Variants in MRS2 observed in about 807,000 individuals in gnomAD.
The protein encoded by MRS2 is magnesium transporter MRS2 homolog, mitochondrial.
Under a neutral mutation model 52.6 loss-of-function variants are expected in MRS2, and 40 were observed. The observed-to-expected ratio is 0.76, with a 90% confidence interval of 0.59 to 0.99. The LOEUF (loss-of-function observed/expected upper bound fraction) is 0.99. MRS2 is among the 50% of genes least tolerant of loss of function. The pLI, the probability that MRS2 is intolerant of heterozygous loss-of-function variation, is 0.00. For synonymous variants in MRS2, 193 were observed against 195.9 expected, an observed-to-expected ratio of 0.98 and a Z score of 0.13; for missense variants, 472 against 532.7, an observed-to-expected ratio of 0.89 and a Z score of 1.12.
In MRS2 at chr6:24,419,600, A is replaced by T. The variant is rs535269973; in HGVS notation, c.1107+1022A>T. Reference sequence around the variant, plus strand: ...CAGAACATTTAACTTGCCCACAGGCATAGAGCTGGAAAAATAACAGAATTA... The same window carrying T: ...CAGAACATTTAACTTGCCCACAGGCTTAGAGCTGGAAAAATAACAGAATTA... On this transcript the variant is annotated intron_variant, in intron 9 of 10. Coordinates refer to ENST00000378386, the MANE Select transcript of MRS2 (RefSeq NM_020662.4). Among the ~76,000 whole-genome samples the T allele has an allele frequency of 2.6e-5, 4 of 152,362 alleles. No homozygotes were observed. The South Asian group carries it at 8.3e-4, about 32-fold the overall frequency.
At chr6:24,422,391 C>T (rs138471291) in intron 9 of MRS2, among the ~76,000 whole-genome samples, 35 of 152,270 alleles carry the variant, frequency 2.3e-4, no homozygotes, top group African/African-American at 7.7e-4. Flanking sequence ...CTGAAAATGA[C>T]GGTGAGGAAG....
chr6:24,416,534 T>C (rs372015502), intron 7 of MRS2, 21 bp downstream of exon 7: 148 of 1,147,896 alleles, frequency 1.3e-4, no homozygotes, highest in Middle Eastern at 8.4e-4. Flanking sequence ...AATTATACTT[T>C]GTTATTTATT....
chr6:24,409,609 A>G, intron 4 of MRS2, 36 bp downstream of exon 4: 1 of 1,316,566 alleles, frequency 7.6e-7, no homozygotes, highest in Non-Finnish European at 1.1e-6. Context: ...TTTCTCCAAT[A>G]CAATCTTATA....
At chr6:24,414,554 A>G (rs557347813) in intron 5 of MRS2, among the ~76,000 whole-genome samples, 125 of 152,232 alleles carry the variant, frequency 8.2e-4, no homozygotes, top group African/African-American at 3.0e-3. Flanking sequence ...ACTTCTTTCT[A>G]CACAGACACA....
intron 9 of MRS2, 184 bp downstream of exon 9, chr6:24,418,762 G>A (rs1318250398): frequency 3.2e-5 from 14 of 438,860 alleles, no homozygotes; most frequent in Non-Finnish European, 5.1e-5. Context: ...AGACAGGCAC[G>A]GTGGCAGGCA....
Position 24,423,659 on chromosome 6 carries a change from C to G in MRS2, c.1297C>G (p.Leu433Val), listed in dbSNP as rs921252924. ...GAAAAATAGCCTCAGACTGGATGGACTTGGATCAGGAAGGAGCATCCTAAC... is the reference window on the plus strand; with the variant it reads ...GAAAAATAGCCTCAGACTGGATGGAGTTGGATCAGGAAGGAGCATCCTAAC... ...ELKNSLRLDG[L>V]GSGRSILTNR is the part of the protein sequence containing the mutation. Residue 433 changes from leucine (L) to valine (V), a missense_variant, in exon 11 of 11, where the codon CTT (leucine) becomes GTT (valine). Transcript: ENST00000378386. The G allele has an allele frequency of 6.8e-6, 11 of 1,611,884 alleles. No homozygotes were observed. The highest frequency in any genetic ancestry group is 9.3e-6 in the Non-Finnish European group (11 of 1,178,342).
intron 10 of MRS2, 138 bp downstream of exon 10, chr6:24,423,188 A>G (rs950559120): frequency 1.4e-5 from 9 of 651,862 alleles, no homozygotes; most frequent in African/African-American, 9.1e-5. Context: ...CAGTTTCCCT[A>G]TCTGTCAGTT....
intron 2 of MRS2, among the ~76,000 whole-genome samples, chr6:24,406,999 A>G (rs1761498417): frequency 6.6e-6 from 1 of 152,172 alleles, no homozygotes; most frequent in Non-Finnish European, 1.5e-5. Context: ...CCATTAAAGA[A>G]AAAAAGGGTA....
Position 24,423,911 on chromosome 6 carries a change from T to C in MRS2, c.*217T>C, listed in dbSNP as rs77232642. 9.2e-4 allele frequency: 271 copies of C among 294,678 alleles called. 2 individuals carry two copies. In the East Asian group the frequency reaches 0.015, roughly 16 times the overall value. 18.3% of individuals were successfully genotyped at this position (294,678 alleles called of 1,614,324 possible). On this transcript the variant is annotated 3_prime_UTR_variant, in exon 11 of 11. Coordinates refer to ENST00000378386, the MANE Select transcript of MRS2 (RefSeq NM_020662.4). ...TGCTTTGTAAAAGGCCAAAATTCTA[T>C]TTCCTACAAACTTTAAATGCTGTTT...
At chr6:24,422,867 A>G in intron 9 of MRS2, 70 bp from the exon 10 acceptor site, 1 of 1,025,354 alleles carries the variant, frequency 9.8e-7, no homozygotes, top group Non-Finnish European at 1.5e-6. Flanking sequence ...ACTCTGGGGC[A>G]GTAACAATTC....
chr6:24,403,130 C>T lies in MRS2; in HGVS notation c.84C>T (p.Asp28=), dbSNP rs931457715. The T allele has an allele frequency of 5.6e-6, 9 of 1,611,930 alleles. No individual in the cohort carries two copies. The highest frequency in any genetic ancestry group is 7.6e-6 in the Non-Finnish European group (9 of 1,179,880). ...GGACGCTGTGTGCCCTGGCCTTGGA[C>T]GTGACCTCTGTGGGTCCTCCCGTTG... ...PRRTLCALAL[D]VTSVGPPVAA... The change falls in exon 1 of 11, where the codon GAC becomes GAT. Residue 28 remains aspartate, a synonymous_variant. Transcript: ENST00000378386.
At chr6:24,413,453 G>C (rs143551610) in intron 5 of MRS2, among the ~76,000 whole-genome samples, 132 of 152,220 alleles carry the variant, frequency 8.7e-4, no homozygotes, top group Non-Finnish European at 1.5e-3. Flanking sequence ...TTCGAACAAG[G>C]GAAAGCTCCC....
At chr6:24,417,816 C>T (rs149767241) in intron 7 of MRS2, among the ~76,000 whole-genome samples, 1,728 of 152,148 alleles carry the variant, frequency 0.011, 16 homozygotes, top group South Asian at 0.047. Flanking sequence ...GTGGCGGGCA[C>T]CTGTAGTCCC....
At position 24,418,481 on chromosome 6, in the gene MRS2, G is replaced by C; in HGVS notation, c.1010G>C (p.Arg337Thr). The C allele has an allele frequency of 1.2e-6, 2 of 1,614,050 alleles. No homozygotes were observed. The highest frequency in any genetic ancestry group is 2.2e-5 in the South Asian group (2 of 91,074). The change falls in exon 9 of 11, where the codon AGG (arginine) becomes ACG (threonine). Residue 337 changes from arginine (R) to threonine (T), a missense_variant. Arg to Thr is a moderately conservative substitution (Grantham distance 71, BLOSUM62 -1). Coordinates refer to ENST00000378386, the MANE Select transcript of MRS2 (RefSeq NM_020662.4). ...TCCAGCCACCGAAACGTGATGATGA[G>C]GTTGAATCTACAGCTGACCATGGGA... Reference protein sequence around the residue: ...NLDSHRNVMMRLNLQLTMGTF... With the variant: ...NLDSHRNVMMTLNLQLTMGTF...
At chr6:24,418,313 G>A in intron 8 of MRS2, 77 bp downstream of exon 8, 1 of 1,479,678 alleles carries the variant, frequency 6.8e-7, no homozygotes, top group Non-Finnish European at 9.0e-7. Flanking sequence ...TATTTTGTGA[G>A]GAATTACGCC....
In MRS2 at chr6:24,403,217, C is replaced by T; in HGVS notation, c.171C>T (p.Pro57=). The T allele has an allele frequency of 6.3e-7, 1 of 1,598,388 alleles. No homozygotes were observed. The highest frequency in any genetic ancestry group is 8.5e-7 in the Non-Finnish European group (1 of 1,178,444). ...GRSRAAQLCG[P]DRLRVAGEVH... is the part of the protein sequence containing the mutation. ...GCCGAGCGGCGCAGCTTTGCGGGCC[C>T]GACCGGCTCCGCGTGGCAGGTACTG... Residue 57 remains proline (P), a synonymous_variant, in exon 1 of 11, where the codon CCC becomes CCT. Coordinates refer to ENST00000378386, the MANE Select transcript of MRS2 (RefSeq NM_020662.4).
chr6:24,424,697 T>TTTG lies in MRS2; in HGVS notation c.*1006_*1008dup, dbSNP rs1475082824. ...TTAAGTACAGTTAGGCACTAGAACA[T>TTTG]TTGTTAAGCCTCCCAAAGTAGTGTG... On this transcript the variant is annotated 3_prime_UTR_variant, in exon 11 of 11. Coordinates refer to ENST00000378386, the MANE Select transcript of MRS2 (RefSeq NM_020662.4). The TTTG allele has an allele frequency of 6.6e-6, 1 of 152,218 alleles. No individual in the cohort carries two copies. Among genetic ancestry groups the TTTG allele is most frequent in the Non-Finnish European group, 1.5e-5 (1 of 68,052 alleles). 9.4% of individuals were successfully genotyped at this position (152,218 alleles called of 1,614,324 possible). A position where few individuals can be genotyped will look rare whatever the true frequency, so the allele number is the denominator to read the frequency against.
chr6:24,416,487 A>G lies in MRS2; in HGVS notation c.810A>G (p.Val270=). The G allele has an allele frequency of 6.3e-7, 1 of 1,584,648 alleles. No homozygotes were observed. The highest frequency in any genetic ancestry group is 1.3e-5 in the African/African-American group (1 of 74,304). Residue 270 remains valine (V), a synonymous_variant, in exon 7 of 11, where the codon GTA becomes GTG. Coordinates refer to ENST00000378386, the MANE Select transcript of MRS2 (RefSeq NM_020662.4). ...AAGAGTTGCTAGAAGAGCTCTGTGT[A>G]TCAAAATGGAGTGACCCACAAGTCT... is the stretch of plus-strand genomic sequence containing the variant. ...DEEELLEELC[V]SKWSDPQVFE... is the part of the protein sequence containing the mutation.
intron 4 of MRS2, among the ~76,000 whole-genome samples, chr6:24,411,832 C>T (rs1024362260): frequency 6.6e-5 from 10 of 151,184 alleles, no homozygotes; most frequent in Admixed American, 4.6e-4. Flanking sequence ...CCACCATGCC[C>T]GGCTTTCTGG....
Sources: gnomAD v4.1 joint callset for allele counts (sites outside exome capture counted in the v4.1 genomes callset) on GRCh38, gnomAD v4.1.1 for gene constraint, MANE v1.5 for transcripts, NCBI Gene and HGNC (gene_info 2026-07-23, HGNC 2026-07-21) for gene names.